The following PDLIM5 variants were observed in gnomAD, a reference collection of about 807,000 sequenced individuals.
PDLIM5 encodes PDZ and LIM domain protein 5.
PDLIM5 carries 34 observed loss-of-function variants against 64.2 expected under a neutral mutation model. That is an observed-to-expected ratio of 0.53 (90% CI 0.40 to 0.71). The LOEUF is 0.71. Ranked by LOEUF, PDLIM5 falls within the 30% of genes least tolerant of loss-of-function variation. PDLIM5 has a pLI of 0.00. For missense variants in PDLIM5, 683 were observed against 733.6 expected, an observed-to-expected ratio of 0.93 and a Z score of 0.80; for synonymous variants, 253 against 269.1, an observed-to-expected ratio of 0.94 and a Z score of 0.59.
chr4:94,622,808 C>T (rs1168894116), intron 8 of PDLIM5, among the ~76,000 whole-genome samples: 2 of 152,004 alleles, frequency 1.3e-5, no homozygotes, highest in Non-Finnish European at 2.9e-5. Flanking sequence ...GTAGCTGGGA[C>T]TACAGGTGCC....
At chr4:94,622,324 T>A (rs1042311749) in intron 8 of PDLIM5, among the ~76,000 whole-genome samples, 2 of 152,192 alleles carry the variant, frequency 1.3e-5, no homozygotes, top group Admixed American at 6.5e-5. Context: ...GTTCATTAGA[T>A]ACAAATGTAT....
chr4:94,481,129 T>C (rs547128143), intron 2 of PDLIM5, among the ~76,000 whole-genome samples: 3 of 152,198 alleles, frequency 2.0e-5, no homozygotes, highest in South Asian at 2.1e-4. Flanking sequence ...TTTTTAAATA[T>C]CTTAAAAGAT....
At chr4:94,602,177 T>C (rs1737557780) in intron 7 of PDLIM5, among the ~76,000 whole-genome samples, 1 of 152,214 alleles carries the variant, frequency 6.6e-6, no homozygotes, top group Non-Finnish European at 1.5e-5. Flanking sequence ...TTCCTCTTAT[T>C]GAAAACTCGT....
intron 2 of PDLIM5, among the ~76,000 whole-genome samples, chr4:94,512,981 T>A (rs565405206): frequency 6.6e-6 from 1 of 152,376 alleles, no homozygotes; most frequent in Non-Finnish European, 1.5e-5. Flanking sequence ...CACCATTTAT[T>A]AAAGAGACTG....
intron 2 of PDLIM5, among the ~76,000 whole-genome samples, chr4:94,474,852 A>G (rs1022884361): frequency 6.6e-6 from 1 of 152,036 alleles, no homozygotes; most frequent in Non-Finnish European, 1.5e-5. Flanking sequence ...GGGTCTTGCC[A>G]TTTTGACCAG....
chr4:94,587,935 C>A (rs1423543005), intron 7 of PDLIM5: 7 of 975,554 alleles, frequency 7.2e-6, no homozygotes, highest in Non-Finnish European at 8.5e-6. Flanking sequence ...AAATATTTTA[C>A]TTAGTGACGT....
intron 2 of PDLIM5, among the ~76,000 whole-genome samples, chr4:94,495,511 A>G (rs970228170): frequency 7.1e-6 from 1 of 141,716 alleles, no homozygotes; most frequent in Non-Finnish European, 1.5e-5. Flanking sequence ...AGCTTAGTTG[A>G]AAAAAAAAAA....
intron 2 of PDLIM5, among the ~76,000 whole-genome samples, chr4:94,458,846 T>C (rs978983125): frequency 2.0e-5 from 3 of 152,242 alleles, no homozygotes; most frequent in Non-Finnish European, 4.4e-5. Flanking sequence ...ATGAATTTTG[T>C]ATACTGTTTT....
At chr4:94,539,760 A>G (rs984776234) in intron 3 of PDLIM5, among the ~76,000 whole-genome samples, 22 of 152,210 alleles carry the variant, frequency 1.4e-4, no homozygotes, top group Non-Finnish European at 3.1e-4. Context: ...GTAGGAGGAA[A>G]GAGGCCATTC....
intron 3 of PDLIM5, among the ~76,000 whole-genome samples, chr4:94,535,859 TGTCAAGTGTTTTATG>T (rs1275377263): frequency 6.8e-6 from 1 of 147,404 alleles, no homozygotes; most frequent in East Asian, 2.0e-4. Context: ...TTTTTTTTAA[TGTCAAGTGTTTTATG>T]GACAACCCTT....
At chr4:94,662,572 T>C (rs560444388) in intron 12 of PDLIM5, 35 bp downstream of exon 12, 2 of 931,644 alleles carry the variant, frequency 2.1e-6, no homozygotes, top group Non-Finnish European at 3.5e-6. Context: ...TAAAGGGGTA[T>C]AGTATGGCCA....
intron 8 of PDLIM5, among the ~76,000 whole-genome samples, chr4:94,619,114 C>T (rs971890360): frequency 3.3e-5 from 5 of 152,184 alleles, no homozygotes; most frequent in African/African-American, 1.2e-4. Flanking sequence ...CACATCCACT[C>T]AGTCACCAAA....
At chr4:94,508,276 G>A (rs1342850881) in intron 2 of PDLIM5, among the ~76,000 whole-genome samples, 3 of 152,172 alleles carry the variant, frequency 2.0e-5, no homozygotes, top group Admixed American at 1.3e-4. Context: ...ATTTGGTGCT[G>A]TCTTGATAAA....
At chr4:94,531,109 CT>C (rs796166716) in intron 3 of PDLIM5, among the ~76,000 whole-genome samples, 1 of 151,498 alleles carries the variant, frequency 6.6e-6, no homozygotes, top group Non-Finnish European at 1.5e-5. Context: ...TTTGAAGTTA[CT>C]TTTTTTTTCT....
chr4:94,625,518 T>C (rs1739604757), intron 8 of PDLIM5, among the ~76,000 whole-genome samples: 1 of 151,888 alleles, frequency 6.6e-6, no homozygotes, highest in Non-Finnish European at 1.5e-5. Flanking sequence ...AGTGGCGCTA[T>C]TTAGGCTCAC....
chr4:94,589,224 C>T (rs1736486088), intron 7 of PDLIM5, among the ~76,000 whole-genome samples: 1 of 151,930 alleles, frequency 6.6e-6, no homozygotes, highest in Non-Finnish European at 1.5e-5. Flanking sequence ...TCTAGAATAA[C>T]TACAGAGTTG....
chr4:94,568,623 C>T (rs1734541760), intron 3 of PDLIM5, among the ~76,000 whole-genome samples: 1 of 150,692 alleles, frequency 6.6e-6, no homozygotes, highest in South Asian at 2.1e-4. Context: ...ACATGAGGCA[C>T]AATGGGCAAA....
intron 3 of PDLIM5, among the ~76,000 whole-genome samples, chr4:94,560,062 G>T (rs914030802): frequency 6.6e-6 from 1 of 152,112 alleles, no homozygotes; most frequent in African/African-American, 2.4e-5. Context: ...TGGTTTAGAA[G>T]CATCCAAGGT....
chr4:94,616,970 G>A (rs1313130530), intron 7 of PDLIM5, among the ~76,000 whole-genome samples: 1 of 152,208 alleles, frequency 6.6e-6, no homozygotes, highest in Non-Finnish European at 1.5e-5. Context: ...AAGGAAAAAG[G>A]TGCATGGGAC....
Sources: allele counts gnomAD v4.1 joint callset (sites outside exome capture counted in the v4.1 genomes callset), GRCh38; gene constraint gnomAD v4.1.1; transcripts MANE v1.5; gene names NCBI Gene and HGNC (gene_info 2026-07-23, HGNC 2026-07-21).